Variants in CNTNAP5 observed in about 807,000 individuals in gnomAD.
CNTNAP5 encodes the protein contactin-associated protein-like 5.
A neutral mutation model predicts 150.2 loss-of-function variants in CNTNAP5; 72 were observed. The ratio of observed to expected loss-of-function variants is 0.48; its 90% confidence interval spans 0.40 to 0.58. The LOEUF (loss-of-function observed/expected upper bound fraction) is 0.58. Among genes scored for constraint, CNTNAP5 ranks in the 20% least tolerant of loss-of-function variants. CNTNAP5 has a pLI of 0.00. For missense variants in CNTNAP5, 1,636 were observed against 1,626.2 expected (o/e 1.01, Z -0.10); for synonymous variants, 672 against 619.8 (o/e 1.08, Z -1.25).
intron 19 of CNTNAP5, among the ~76,000 whole-genome samples, chr2:124,840,895 A>G (rs963549634): frequency 6.6e-6 from 1 of 152,130 alleles, no homozygotes; most frequent in Admixed American, 6.6e-5. Context: ...AAACATGAGG[A>G]CCAAGCAATG....
intron 2 of CNTNAP5, among the ~76,000 whole-genome samples, chr2:124,240,002 G>T (rs1419024448): frequency 6.9e-6 from 1 of 145,416 alleles, no homozygotes; most frequent in African/African-American, 2.5e-5. Flanking sequence ...TTTATAAACT[G>T]TTTTTTTTCC....
intron 14 of CNTNAP5, among the ~76,000 whole-genome samples, chr2:124,758,094 A>C (rs573452811): frequency 1.4e-4 from 22 of 152,286 alleles, no homozygotes; most frequent in African/African-American, 5.3e-4. Context: ...ACCAGCCCCA[A>C]AGCCTAGGCA....
intron 13 of CNTNAP5, among the ~76,000 whole-genome samples, chr2:124,671,174 T>A (rs1678815794): frequency 6.6e-6 from 1 of 152,236 alleles, no homozygotes; most frequent in African/African-American, 2.4e-5. Flanking sequence ...AGCATAATCA[T>A]CACTACCAAG....
intron 1 of CNTNAP5, among the ~76,000 whole-genome samples, chr2:124,048,367 A>T (rs1342351878): frequency 6.6e-6 from 1 of 152,216 alleles, no homozygotes; most frequent in Admixed American, 6.5e-5. Context: ...CATTCTTGAC[A>T]GTTAATACTG....
rs35578704 is a variant in CNTNAP5, at chr2:124,518,994, CAA to C, written c.1328-5286_1328-5285del. ...GCAAAGTGTACTTTAGCCTGGGCCG[CAA>C]AAAAAAAAAAAAAAAAAAAAAAGTA... On this transcript the variant is annotated intron_variant, in intron 8 of 23. Transcript: ENST00000682447. Among the ~76,000 whole-genome samples, 32 of 48,092 alleles carry C rather than the reference CAA, an allele frequency of 6.7e-4. No individual in the cohort carries two copies. The East Asian group carries it at 7.5e-3, about 11-fold the overall frequency. 31.6% of individuals were successfully genotyped at this position (48,092 alleles called of 152,430 possible).
chr2:124,250,347 A>G (rs1342082736), intron 3 of CNTNAP5, among the ~76,000 whole-genome samples: 1 of 152,138 alleles, frequency 6.6e-6, no homozygotes, highest in Non-Finnish European at 1.5e-5. Context: ...TAAACTTTAA[A>G]TGGACTGAAC....
chr2:124,320,615 C>T (rs1009942706), intron 3 of CNTNAP5, among the ~76,000 whole-genome samples: 6 of 152,036 alleles, frequency 3.9e-5, no homozygotes, highest in South Asian at 4.2e-4. Context: ...AACAAGCTTT[C>T]TGTGCACCAA....
intron 1 of CNTNAP5, among the ~76,000 whole-genome samples, chr2:124,179,939 G>A (rs1248368048): frequency 6.6e-6 from 1 of 151,978 alleles, no homozygotes; most frequent in Non-Finnish European, 1.5e-5. Context: ...TCAAAACCAG[G>A]GAGAGCTTCA....
intron 19 of CNTNAP5, among the ~76,000 whole-genome samples, chr2:124,855,166 G>GTTTTTTTTT (rs1558801475): frequency 1.3e-5 from 1 of 77,500 alleles, no homozygotes; most frequent in African/African-American, 4.5e-5. Context: ...TTGGGCTTTT[G>GTTTTTTTTT]CTTTTTTTTT....
At chr2:124,426,245 G>T (rs193083731) in intron 4 of CNTNAP5, among the ~76,000 whole-genome samples, 6 of 152,038 alleles carry the variant, frequency 3.9e-5, no homozygotes, top group Admixed American at 1.3e-4. Flanking sequence ...AATTTTGAAA[G>T]AAAAGCTATG....
intron 1 of CNTNAP5, among the ~76,000 whole-genome samples, chr2:124,089,471 T>C (rs1276971385): frequency 6.6e-6 from 1 of 152,164 alleles, no homozygotes; most frequent in Non-Finnish European, 1.5e-5. Context: ...AGAGCTGGAA[T>C]TTTGAGCCCA....
intron 1 of CNTNAP5, among the ~76,000 whole-genome samples, chr2:124,196,677 T>C (rs1041627605): frequency 4.6e-5 from 7 of 152,200 alleles, no homozygotes; most frequent in African/African-American, 1.7e-4. Flanking sequence ...CAAAGCATTT[T>C]AAAATAGGTT....
intron 1 of CNTNAP5, among the ~76,000 whole-genome samples, chr2:124,140,083 G>A (rs1453125222): frequency 2.0e-5 from 3 of 151,880 alleles, no homozygotes; most frequent in Non-Finnish European, 4.4e-5. Flanking sequence ...TTTCAGACCG[G>A]CTTAAAAAAC....
At chr2:124,420,797 G>A (rs191521580) in intron 4 of CNTNAP5, among the ~76,000 whole-genome samples, 2 of 152,216 alleles carry the variant, frequency 1.3e-5, no homozygotes, top group South Asian at 2.1e-4. Context: ...CTTCAGGCAC[G>A]TTTAACCAGA....
At chr2:124,857,527 C>T (rs561653010) in intron 19 of CNTNAP5, among the ~76,000 whole-genome samples, 2 of 151,968 alleles carry the variant, frequency 1.3e-5, no homozygotes, top group South Asian at 2.1e-4. Context: ...TTTCAAGATA[C>T]GTATACACCC....
intron 2 of CNTNAP5, among the ~76,000 whole-genome samples, chr2:124,241,844 T>G (rs1424551732): frequency 4.6e-5 from 7 of 152,040 alleles, no homozygotes; most frequent in Admixed American, 4.6e-4. Context: ...AGAGAGCACA[T>G]GTAAGCCTAG....
intron 13 of CNTNAP5, among the ~76,000 whole-genome samples, chr2:124,703,332 G>T (rs1679566146): frequency 6.6e-6 from 1 of 150,562 alleles, no homozygotes; most frequent in African/African-American, 2.5e-5. Context: ...GCTATTTCTG[G>T]ATGTATCATA....
intron 3 of CNTNAP5, among the ~76,000 whole-genome samples, chr2:124,374,751 A>G (rs1690605919): frequency 6.6e-6 from 1 of 152,040 alleles, no homozygotes. Context: ...GCATTCTCCA[A>G]TGCACACAAC....
chr2:124,771,732 A>G lies in CNTNAP5; in HGVS notation c.2534-1067A>G, dbSNP rs190037215. ...CATCACCTTCATCACCACCATCACC[A>G]CCACCGTTACCACCATCACCATTAA... On this transcript the variant is annotated intron_variant, in intron 16 of 23. Coordinates refer to ENST00000682447, the MANE Select transcript of CNTNAP5 (RefSeq NM_001367498.1). Among the ~76,000 whole-genome samples the G allele has an allele frequency of 5.0e-3, 755 of 151,156 alleles. 24 individuals are homozygous for G. The highest frequency in any genetic ancestry group is 0.047 in the Admixed American group (706 of 15,168).
Sources: allele counts gnomAD v4.1 joint callset (sites outside exome capture counted in the v4.1 genomes callset), GRCh38; gene constraint gnomAD v4.1.1; transcripts MANE v1.5; gene names NCBI Gene and HGNC (gene_info 2026-07-23, HGNC 2026-07-21).